The following ZCWPW2 variants were observed in gnomAD, a reference collection of about 807,000 sequenced individuals.
The protein encoded by ZCWPW2 is zinc finger CW-type and PWWP domain containing 2.
A neutral mutation model predicts 46.6 loss-of-function variants in ZCWPW2; 45 were observed. The observed-to-expected ratio is 0.96, with a 90% CI of 0.76 to 1.24. ZCWPW2 has a LOEUF of 1.24. ZCWPW2 is among the 50% of genes most tolerant of loss of function. The probability of loss-of-function intolerance (pLI) is 0.00; values close to 1 mark genes in which losing one functional copy is unlikely to be tolerated. For synonymous variants in ZCWPW2, 152 were observed against 137.1 expected, an observed-to-expected ratio of 1.11 and a Z score of -0.76; for missense variants, 429 against 403.9, an observed-to-expected ratio of 1.06 and a Z score of -0.53.
chr3:28,498,812 C>T (rs10460986), intron 6 of ZCWPW2, among the ~76,000 whole-genome samples: 60,081 of 151,802 alleles, frequency 0.4, 12,312 homozygotes, highest in East Asian at 0.62. Context: ...CAGCCACCCC[C>T]CAACAGGCCT....
intron 1 of ZCWPW2, among the ~76,000 whole-genome samples, chr3:28,359,672 G>GTT (rs113625500): frequency 5.3e-5 from 8 of 151,558 alleles, no homozygotes; most frequent in Non-Finnish European, 8.9e-5. Flanking sequence ...GTTATTCATT[G>GTT]CTTTTTAGGA....
chr3:28,426,932 T>C (rs1198892149), intron 3 of ZCWPW2, among the ~76,000 whole-genome samples: 2 of 152,226 alleles, frequency 1.3e-5, no homozygotes, highest in East Asian at 3.8e-4. Flanking sequence ...AGATCATTTC[T>C]ACTGGATAAC....
intron 4 of ZCWPW2, among the ~76,000 whole-genome samples, chr3:28,472,478 G>A (rs1363311944): frequency 6.6e-6 from 1 of 152,028 alleles, no homozygotes; most frequent in African/African-American, 2.4e-5. Context: ...TTAGGAAAAG[G>A]ACAGTCTACA....
intron 3 of ZCWPW2, among the ~76,000 whole-genome samples, chr3:28,424,200 C>T (rs1410273851): frequency 6.7e-6 from 1 of 150,068 alleles, no homozygotes; most frequent in Non-Finnish European, 1.5e-5. Context: ...TGTTGGCTTT[C>T]ATAGAGAGAC....
rs148173269 is a variant in ZCWPW2 at position 28,437,818 on chromosome 3, T to A, written c.492+2549T>A. Among the ~76,000 whole-genome samples, 431 of 152,354 alleles carry A rather than the reference T, an allele frequency of 2.8e-3. 1 individual carries two copies. Among genetic ancestry groups the A allele is most frequent in the Non-Finnish European group, 4.8e-3 (325 of 68,030 alleles). On this transcript the variant is annotated intron_variant, in intron 4 of 9. Coordinates refer to ENST00000383768, the MANE Select transcript of ZCWPW2 (RefSeq NM_001040432.4). Reference sequence around the variant, plus strand: ...CTCTTATAAAGAAGCCTTGTTATTCTTGAAAGTATTCAGAGATGGGATTCT... The same window carrying A: ...CTCTTATAAAGAAGCCTTGTTATTCATGAAAGTATTCAGAGATGGGATTCT...
chr3:28,371,813 G>A (rs1484968107), intron 1 of ZCWPW2, among the ~76,000 whole-genome samples: 2 of 152,168 alleles, frequency 1.3e-5, no homozygotes, highest in Non-Finnish European at 2.9e-5. Flanking sequence ...TGGCGGATGT[G>A]GTCATGCTCC....
At chr3:28,398,923 C>A (rs754456112) in intron 2 of ZCWPW2, among the ~76,000 whole-genome samples, 2 of 152,142 alleles carry the variant, frequency 1.3e-5, no homozygotes, top group Non-Finnish European at 2.9e-5. Context: ...TTGAACTGAT[C>A]GAGAGGCCTC....
In ZCWPW2 at chr3:28,361,723, T is replaced by C. The variant is rs574528414; in HGVS notation, c.-134+12520T>C. ...GATTAAAAATGGCAAAGGGCTTGAT[T>C]AGACATTTTTCTAAAGAAGATATGC... On this transcript the variant is annotated intron_variant, in intron 1 of 9. Coordinates refer to ENST00000383768, the MANE Select transcript of ZCWPW2 (RefSeq NM_001040432.4). Among the ~76,000 whole-genome samples the C allele has an allele frequency of 3.3e-5, 5 of 152,270 alleles. No individual in the cohort carries two copies. The South Asian group carries it at 1.0e-3, about 32-fold the overall frequency.
chr3:28,507,827 TTTA>T (rs1223706794), intron 6 of ZCWPW2, among the ~76,000 whole-genome samples: 1 of 152,178 alleles, frequency 6.6e-6, no homozygotes, highest in African/African-American at 2.4e-5. Context: ...TTTTTTCTGC[TTTA>T]TTATTTTTTG....
chr3:28,521,704 A>C (rs1700728318), intron 9 of ZCWPW2, among the ~76,000 whole-genome samples: 1 of 152,210 alleles, frequency 6.6e-6, no homozygotes, highest in Non-Finnish European at 1.5e-5. Context: ...TTTGTGATAC[A>C]AGGCTCATGC....
intron 3 of ZCWPW2, among the ~76,000 whole-genome samples, chr3:28,420,942 C>G (rs1241425578): frequency 6.6e-6 from 1 of 152,092 alleles, no homozygotes; most frequent in Non-Finnish European, 1.5e-5. Flanking sequence ...ATCCATTCAG[C>G]TTTTAAAAAT....
At chr3:28,459,926 A>C (rs1375756676) in intron 4 of ZCWPW2, among the ~76,000 whole-genome samples, 2 of 152,188 alleles carry the variant, frequency 1.3e-5, no homozygotes, top group African/African-American at 4.8e-5. Flanking sequence ...TAGTAAATAT[A>C]TGTTAAAGTC....
chr3:28,408,220 C>T (rs1008791413), intron 2 of ZCWPW2, among the ~76,000 whole-genome samples: 2 of 152,112 alleles, frequency 1.3e-5, no homozygotes, highest in African/African-American at 4.8e-5. Context: ...ACCTTATCTA[C>T]CATTTAAAAG....
chr3:28,454,410 T>C (rs1193576973), intron 4 of ZCWPW2, among the ~76,000 whole-genome samples: 1 of 152,226 alleles, frequency 6.6e-6, no homozygotes, highest in East Asian at 1.9e-4. Context: ...TTGTTATCTT[T>C]GTCATTACAG....
intron 3 of ZCWPW2, among the ~76,000 whole-genome samples, chr3:28,425,653 T>C (rs1696977852): frequency 6.6e-6 from 1 of 152,214 alleles, no homozygotes; most frequent in African/African-American, 2.4e-5. Context: ...AACTAGAAAC[T>C]GATACAGAAT....
At chr3:28,358,828 C>T (rs566607458) in intron 1 of ZCWPW2, among the ~76,000 whole-genome samples, 11 of 151,782 alleles carry the variant, frequency 7.2e-5, no homozygotes, top group African/African-American at 2.7e-4. Flanking sequence ...GAATTTATAT[C>T]TCATTTTACC....
chr3:28,487,385 G>A (rs1699640215), intron 5 of ZCWPW2, among the ~76,000 whole-genome samples: 1 of 152,036 alleles, frequency 6.6e-6, no homozygotes, highest in Non-Finnish European at 1.5e-5. Context: ...GCCATGTCGA[G>A]TCTACTGATG....
chr3:28,501,558 T>C (rs2125824814), intron 6 of ZCWPW2, among the ~76,000 whole-genome samples: 1 of 152,278 alleles, frequency 6.6e-6, no homozygotes, highest in Admixed American at 6.5e-5. Flanking sequence ...TTTATTGAAG[T>C]AAAATTTAAA....
At chr3:28,461,060 A>G (rs983707235) in intron 4 of ZCWPW2, 5 of 224,090 alleles carry the variant, frequency 2.2e-5, no homozygotes, top group Non-Finnish European at 5.0e-5. Context: ...ATACCAATGA[A>G]TTTTTGAAGC....
Sources: allele counts gnomAD v4.1 joint callset (sites outside exome capture counted in the v4.1 genomes callset), GRCh38; gene constraint gnomAD v4.1.1; transcripts MANE v1.5; gene names NCBI Gene and HGNC (gene_info 2026-07-23, HGNC 2026-07-21).